Variants in EXOC4 observed in about 807,000 individuals in gnomAD.
The protein encoded by EXOC4 is SEC8-like 1.
In EXOC4, 71 loss-of-function variants were observed where a neutral mutation model predicts 107.2. The ratio of observed to expected loss-of-function variants is 0.66; its 90% CI spans 0.55 to 0.81. The LOEUF (loss-of-function observed/expected upper bound fraction) is 0.81, where lower values mean the gene tolerates loss of function less well. Among genes scored for constraint, EXOC4 ranks in the 30% least tolerant of loss-of-function variants. The pLI is 0.00. For synonymous variants in EXOC4, 456 were observed against 441.2 expected (o/e 1.03, Z -0.42); for missense variants, 1,108 against 1,189.6 (o/e 0.93, Z 1.01).
intron 14 of EXOC4, among the ~76,000 whole-genome samples, chr7:133,966,976 G>A (rs1801085881): frequency 6.6e-6 from 1 of 152,074 alleles, no homozygotes; most frequent in African/African-American, 2.4e-5. Flanking sequence ...TTGGTGGTAG[G>A]CTATTAATTA....
At position 133,325,038 on chromosome 7, in the gene EXOC4, C is replaced by A. The variant is rs190164083; in HGVS notation, c.763+7648C>A. ...TCAGAGACTAGGATTGCAACCCCTG[C>A]CTTTTTTTGTTTTCCATTTGCTTGG... On this transcript the variant is annotated intron_variant, in intron 5 of 17. Coordinates refer to ENST00000253861, the MANE Select transcript of EXOC4 (RefSeq NM_021807.4). 2.6e-5 allele frequency among the ~76,000 whole-genome samples: 4 copies of A among 152,250 alleles called. No homozygotes were observed. In the East Asian group the frequency reaches 7.7e-4, roughly 29 times the overall value.
intron 11 of EXOC4, among the ~76,000 whole-genome samples, chr7:133,835,058 G>A (rs994073092): frequency 3.3e-5 from 5 of 152,132 alleles, no homozygotes; most frequent in Non-Finnish European, 7.3e-5. Flanking sequence ...ATGATTGTGA[G>A]GCCTCCCCAG....
At chr7:133,788,744 C>G (rs550432927) in intron 10 of EXOC4, among the ~76,000 whole-genome samples, 1 of 152,274 alleles carries the variant, frequency 6.6e-6, no homozygotes, top group African/African-American at 2.4e-5. Flanking sequence ...CCACCTGCCT[C>G]GGCCTCCCAA....
chr7:133,281,393 G>A (rs1175787861), intron 2 of EXOC4, among the ~76,000 whole-genome samples: 1 of 147,758 alleles, frequency 6.8e-6, no homozygotes, highest in African/African-American at 2.5e-5. Flanking sequence ...GAAAAAATTG[G>A]GTTGGTCTCT....
rs1289245019 is a variant in EXOC4 at position 133,629,213 on chromosome 7, T to A, written c.1418-832T>A. Among the ~76,000 whole-genome samples the A allele has an allele frequency of 3.9e-5, 6 of 152,342 alleles. No homozygotes were observed. The East Asian group carries it at 1.2e-3, about 29-fold the overall frequency. ...TATATAGTTTAAATAGCAGGACTTT[T>A]TTTTTTCTTAGTGATACATAAAATA... On this transcript the variant is annotated intron_variant, in intron 9 of 17. Coordinates refer to ENST00000253861, the MANE Select transcript of EXOC4 (RefSeq NM_021807.4).
intron 10 of EXOC4, among the ~76,000 whole-genome samples, chr7:133,649,806 T>C (rs557911444): frequency 6.6e-6 from 1 of 152,304 alleles, no homozygotes; most frequent in South Asian, 2.1e-4. Context: ...TTGGTAGGAA[T>C]GTACTTCATT....
chr7:133,593,899 C>T (rs1030915701), intron 9 of EXOC4, among the ~76,000 whole-genome samples: 2 of 152,146 alleles, frequency 1.3e-5, no homozygotes, highest in Non-Finnish European at 2.9e-5. Flanking sequence ...TATTGGAACA[C>T]ACATTTTATG....
rs370241828 is a variant in EXOC4 at position 133,265,117 on chromosome 7, C to T, written c.87-9865C>T. Among the ~76,000 whole-genome samples the T allele has an allele frequency of 8.2e-4, 125 of 151,990 alleles. 1 individual carries two copies. Among genetic ancestry groups the T allele is most frequent in the African/African-American group, 2.8e-3 (118 of 41,474 alleles). ...GCTCTAGACTCTTTTTTTCTTGCAT[C>T]GGGATGAGTAGCAACAGGAATATTA... is the stretch of plus-strand genomic sequence containing the variant. On this transcript the variant is annotated intron_variant, in intron 1 of 17. Coordinates refer to ENST00000253861, the MANE Select transcript of EXOC4 (RefSeq NM_021807.4).
chr7:133,486,404 A>C (rs1191054379), intron 9 of EXOC4, among the ~76,000 whole-genome samples: 1 of 152,140 alleles, frequency 6.6e-6, no homozygotes, highest in Non-Finnish European at 1.5e-5. Flanking sequence ...GCAATATTTC[A>C]CTTTTGCACA....
intron 10 of EXOC4, among the ~76,000 whole-genome samples, chr7:133,671,674 A>G (rs1490692695): frequency 2.0e-5 from 3 of 152,154 alleles, no homozygotes; most frequent in Non-Finnish European, 2.9e-5. Flanking sequence ...TGTAATAATT[A>G]ATGGTAAGAG....
At chr7:133,970,159 C>A (rs1801169297) in intron 14 of EXOC4, among the ~76,000 whole-genome samples, 1 of 152,104 alleles carries the variant, frequency 6.6e-6, no homozygotes, top group Non-Finnish European at 1.5e-5. Flanking sequence ...GGAAAACTGC[C>A]TACTCAAGCC....
At chr7:133,469,834 C>T (rs78193238) in intron 7 of EXOC4, among the ~76,000 whole-genome samples, 4 of 152,286 alleles carry the variant, frequency 2.6e-5, no homozygotes, top group East Asian at 1.9e-4. Flanking sequence ...TCTCCCTCTG[C>T]GGATTGACTT....
intron 5 of EXOC4, among the ~76,000 whole-genome samples, chr7:133,354,550 T>G (rs1181398418): frequency 6.6e-6 from 1 of 152,012 alleles, no homozygotes; most frequent in African/African-American, 2.4e-5. Context: ...GGCTACTGGC[T>G]GTTTAACTTC....
intron 9 of EXOC4, among the ~76,000 whole-genome samples, chr7:133,560,281 T>A (rs1257196185): frequency 2.0e-5 from 3 of 152,186 alleles, no homozygotes; most frequent in South Asian, 4.1e-4. Flanking sequence ...AGATTTTATT[T>A]TATTTTATTT....
intron 14 of EXOC4, among the ~76,000 whole-genome samples, chr7:133,961,049 T>G (rs934181427): frequency 6.6e-6 from 1 of 151,594 alleles, no homozygotes; most frequent in East Asian, 1.9e-4. Context: ...AATAGGGAGG[T>G]TATCTTGGGT....
intron 1 of EXOC4, chr7:133,253,441 T>C (rs13438084): frequency 0.069 from 84,191 of 1,225,352 alleles, 9,683 homozygotes; most frequent in African/African-American, 0.48. Flanking sequence ...TATTACAGTC[T>C]CGGGACCCCA....
intron 10 of EXOC4, among the ~76,000 whole-genome samples, chr7:133,776,090 A>G (rs551671714): frequency 6.6e-6 from 1 of 152,324 alleles, no homozygotes; most frequent in South Asian, 2.1e-4. Context: ...TAGCTGGGCT[A>G]GAAAGCTAAA....
chr7:133,371,546 C>G (rs1315406990), intron 6 of EXOC4, among the ~76,000 whole-genome samples: 1 of 152,104 alleles, frequency 6.6e-6, no homozygotes, highest in African/African-American at 2.4e-5. Flanking sequence ...AGGTTAATTC[C>G]AGTTGTACCA....
chr7:133,474,846 C>A (rs534961714), intron 7 of EXOC4, among the ~76,000 whole-genome samples: 1 of 152,170 alleles, frequency 6.6e-6, no homozygotes, highest in East Asian at 1.9e-4. Flanking sequence ...TCTGTAAGCC[C>A]CATTTCTTTA....
Sources: allele counts gnomAD v4.1 joint callset (sites outside exome capture counted in the v4.1 genomes callset), GRCh38; gene constraint gnomAD v4.1.1; transcripts MANE v1.5; gene names NCBI Gene and HGNC (gene_info 2026-07-23, HGNC 2026-07-21).